YPEL2: variants seen among roughly 807,000 people sequenced by gnomAD.
The protein encoded by YPEL2 is protein yippee-like 2.
YPEL2 carries 2 observed loss-of-function variants against 19.1 expected under a neutral mutation model. The observed-to-expected ratio is 0.10, with a 90% CI of 0.04 to 0.33. The LOEUF is 0.33. Ranked by LOEUF, YPEL2 falls within the 10% of genes least tolerant of loss-of-function variation. The pLI is 1.00. For missense variants in YPEL2, 66 were observed against 140.7 expected (o/e 0.47, Z 2.68); for synonymous variants, 52 against 50.0 (o/e 1.04, Z -0.17).
intron 1 of YPEL2, among the ~76,000 whole-genome samples, chr17:59,350,992 C>T (rs1458550043): frequency 4.6e-5 from 7 of 152,148 alleles, no homozygotes; most frequent in Admixed American, 3.3e-4. Context: ...TTGTTTTCCC[C>T]TGCCTGTCTT....
At chr17:59,395,759 C>T (rs544528908) in intron 4 of YPEL2, among the ~76,000 whole-genome samples, 3 of 152,288 alleles carry the variant, frequency 2.0e-5, no homozygotes, top group African/African-American at 7.2e-5. Context: ...CCTGTCTTCT[C>T]TAAGCCTAAC....
At chr17:59,334,398 G>GGC (rs1369612896) in intron 1 of YPEL2, among the ~76,000 whole-genome samples, 1 of 147,968 alleles carries the variant, frequency 6.8e-6, no homozygotes. Flanking sequence ...TTTGGGGGGG[G>GGC]GTGAGGAGTC....
intron 1 of YPEL2, among the ~76,000 whole-genome samples, chr17:59,334,127 T>C (rs1020994180): frequency 1.3e-5 from 2 of 152,134 alleles, no homozygotes; most frequent in East Asian, 3.8e-4. Flanking sequence ...CTGCACAGTG[T>C]TGTGTACCAG....
chr17:59,342,014 T>C (rs2047733877), intron 1 of YPEL2, among the ~76,000 whole-genome samples: 1 of 152,248 alleles, frequency 6.6e-6, no homozygotes, highest in Non-Finnish European at 1.5e-5. Context: ...TTCCCTTTTT[T>C]GCTCTTCAGT....
intron 4 of YPEL2, among the ~76,000 whole-genome samples, chr17:59,393,362 C>T (rs1478903216): frequency 6.7e-6 from 1 of 150,308 alleles, no homozygotes; most frequent in African/African-American, 2.4e-5. Context: ...GGTCTCAAAC[C>T]GGCCTCAAGC....
rs1431618101 is a variant in YPEL2, at chr17:59,353,605, C to T, written c.117+79C>T. ...TCCTGAAGTTGCAGAGGTTTACAAG[C>T]TCTCAAGAATATTTGTACTCCATCT... On this transcript the variant is annotated intron_variant, in intron 2 of 4. Coordinates refer to ENST00000312655, the MANE Select transcript of YPEL2 (RefSeq NM_001005404.4). This position sits in a 1 kb window ranked among gnomAD's most constrained non-coding sequence, Gnocchi z 4.8. The T allele has an allele frequency of 2.8e-6, 3 of 1,072,116 alleles. No individual in the cohort carries two copies. The highest frequency in any genetic ancestry group is 4.3e-6 in the Non-Finnish European group (3 of 689,724). 66.4% of individuals were successfully genotyped at this position (1,072,116 alleles called of 1,614,324 possible).
intron 4 of YPEL2, among the ~76,000 whole-genome samples, chr17:59,392,353 A>G (rs1014594911): frequency 6.6e-6 from 1 of 152,114 alleles, no homozygotes; most frequent in African/African-American, 2.4e-5. Context: ...TCTGTCCTCA[A>G]AGTGTTGACA....
intron 4 of YPEL2, among the ~76,000 whole-genome samples, chr17:59,396,065 A>G (rs2048037786): frequency 6.6e-6 from 1 of 152,186 alleles, no homozygotes; most frequent in Admixed American, 6.5e-5. Flanking sequence ...TGGGCGACTG[A>G]GCAAGACTCC....
chr17:59,374,137 A>T (rs1439373244), intron 2 of YPEL2, among the ~76,000 whole-genome samples: 1 of 152,180 alleles, frequency 6.6e-6, no homozygotes, highest in Non-Finnish European at 1.5e-5. Context: ...AGCTAAGGAC[A>T]CCATCCTAGT....
chr17:59,381,735 TA>T (rs1567755492), intron 2 of YPEL2, among the ~76,000 whole-genome samples: 1 of 152,094 alleles, frequency 6.6e-6, no homozygotes, highest in Non-Finnish European at 1.5e-5. Context: ...TTGTGTGGCT[TA>T]AAAAACAAAA....
chr17:59,386,943 C>G (rs957550753), intron 2 of YPEL2, among the ~76,000 whole-genome samples: 6 of 152,082 alleles, frequency 3.9e-5, no homozygotes, highest in African/African-American at 1.4e-4. Flanking sequence ...TCCAGCTGCC[C>G]CAGAGGCAGT....
chr17:59,376,513 C>T (rs969664976), intron 2 of YPEL2, among the ~76,000 whole-genome samples: 3 of 152,192 alleles, frequency 2.0e-5, no homozygotes, highest in African/African-American at 4.8e-5. Context: ...CCACCATGTC[C>T]GGCCAGATAG....
chr17:59,350,407 G>C (rs1192984954), intron 1 of YPEL2, among the ~76,000 whole-genome samples: 1 of 152,160 alleles, frequency 6.6e-6, no homozygotes, highest in Non-Finnish European at 1.5e-5. Context: ...TAGGATGCCT[G>C]TTTATTCATA....
rs145621636 is a variant in YPEL2 at position 59,398,084 on chromosome 17, C to T, written c.*894C>T. The T allele has an allele frequency of 6.6e-6, 1 of 152,342 alleles. No individual in the cohort carries two copies. The highest frequency in any genetic ancestry group is 2.4e-5 in the African/African-American group (1 of 41,558). The allele number at this position is 152,342 out of a possible 1,614,324, so 9.4% of individuals were successfully genotyped here. On this transcript the variant is annotated 3_prime_UTR_variant, in exon 5 of 5. Coordinates refer to ENST00000312655, the MANE Select transcript of YPEL2 (RefSeq NM_001005404.4). ...GCACAAAGGGGCTGCAGTTTGGGAG[C>T]TCCTGAAGAAATGGCTCAGATATTG...
intron 2 of YPEL2, among the ~76,000 whole-genome samples, chr17:59,364,748 C>T (rs2047860120): frequency 6.6e-6 from 1 of 151,860 alleles, no homozygotes; most frequent in Admixed American, 6.6e-5. Flanking sequence ...TCCCAAGTAG[C>T]TGGATTACAG....
rs1219073102 is a variant in YPEL2 at position 59,399,021 on chromosome 17, CT to C, written c.*1833del. On this transcript the variant is annotated 3_prime_UTR_variant, in exon 5 of 5. Transcript: ENST00000312655. Reference sequence around the variant, plus strand: ...AATCAACTTTTGTTCCCCAAGGCTTCTTGTCCAGATCTTTCCAGTGCTTTCA... The same window carrying C: ...AATCAACTTTTGTTCCCCAAGGCTTCTGTCCAGATCTTTCCAGTGCTTTCA... 2.0e-5 allele frequency: 3 copies of C among 152,324 alleles called. No individual in the cohort carries two copies. 9.4% of individuals were successfully genotyped at this position (152,324 alleles called of 1,614,324 possible).
At chr17:59,336,664 T>C (rs2047700036) in intron 1 of YPEL2, among the ~76,000 whole-genome samples, 1 of 152,232 alleles carries the variant, frequency 6.6e-6, no homozygotes, top group African/African-American at 2.4e-5. Flanking sequence ...CACTCAGTGC[T>C]AGCTATTAAT....
At chr17:59,384,570 A>G (rs2047970981) in intron 2 of YPEL2, among the ~76,000 whole-genome samples, 1 of 152,220 alleles carries the variant, frequency 6.6e-6, no homozygotes, top group African/African-American at 2.4e-5. Flanking sequence ...TCTTCCAGAT[A>G]CCTATACATA....
chr17:59,362,364 CA>C (rs2047845557), intron 2 of YPEL2, among the ~76,000 whole-genome samples: 1 of 152,020 alleles, frequency 6.6e-6, no homozygotes, highest in Admixed American at 6.5e-5. Flanking sequence ...AGACCTGTCG[CA>C]CAGTCACGCC....
Sources: allele counts gnomAD v4.1 joint callset (sites outside exome capture counted in the v4.1 genomes callset), GRCh38; gene constraint gnomAD v4.1.1; non-coding constraint Gnocchi (gnomAD v3.1); transcripts MANE v1.5; gene names NCBI Gene and HGNC (gene_info 2026-07-23, HGNC 2026-07-21).